Variants in C10orf90 observed in about 807,000 individuals in gnomAD.
C10orf90 encodes the protein chromosome 10 open reading frame 90, also known as (E2-independent) E3 ubiquitin-conjugating enzyme FATS.
C10orf90 carries 56 observed loss-of-function variants against 62.5 expected under a neutral mutation model. That is an observed-to-expected ratio of 0.90 (90% CI 0.72 to 1.12). C10orf90 has a LOEUF of 1.12. Ranked by LOEUF, C10orf90 falls within the 50% of genes most tolerant of loss-of-function variation. The pLI is 0.00. For synonymous variants in C10orf90, 386 were observed against 340.4 expected (o/e 1.13, Z -1.47); for missense variants, 970 against 880.4 (o/e 1.10, Z -1.29).
chr10:126,574,054 C>T (rs2134007111), intron 2 of C10orf90, among the ~76,000 whole-genome samples: 1 of 152,198 alleles, frequency 6.6e-6, no homozygotes, highest in East Asian at 1.9e-4. Flanking sequence ...AATATTTAAA[C>T]ATTAAGAAGT....
intron 2 of C10orf90, among the ~76,000 whole-genome samples, chr10:126,575,319 T>C (rs1006454390): frequency 5.9e-5 from 9 of 151,808 alleles, no homozygotes; most frequent in Admixed American, 2.6e-4. Flanking sequence ...ATCCCACTTA[T>C]AACAGCTACC....
At chr10:126,565,937 C>G (rs1844377227) in intron 2 of C10orf90, among the ~76,000 whole-genome samples, 2 of 152,098 alleles carry the variant, frequency 1.3e-5, no homozygotes, top group South Asian at 4.1e-4. Context: ...AAATAGCGCT[C>G]CTCCACGTCC....
At chr10:126,514,363 G>A (rs4962563) in intron 2 of C10orf90, among the ~76,000 whole-genome samples, 135,256 of 152,226 alleles carry the variant, frequency 0.89, 60,278 homozygotes, top group African/African-American at 0.96. Flanking sequence ...CATCATTGGA[G>A]GGGTCATGGA....
At chr10:126,535,236 A>C (rs1465708362) in intron 2 of C10orf90, among the ~76,000 whole-genome samples, 2 of 151,896 alleles carry the variant, frequency 1.3e-5, no homozygotes, top group East Asian at 3.9e-4. Context: ...AAAATTTGTC[A>C]GCTGGGTGTG....
intron 4 of C10orf90, among the ~76,000 whole-genome samples, chr10:126,493,876 C>T (rs773388940): frequency 3.2e-4 from 48 of 152,326 alleles, no homozygotes; most frequent in Non-Finnish European, 6.0e-4. Flanking sequence ...TAAATTCTCC[C>T]TGATGTCTAG....
intron 2 of C10orf90, among the ~76,000 whole-genome samples, chr10:126,526,446 G>T (rs567517323): frequency 7.6e-4 from 116 of 151,934 alleles, no homozygotes; most frequent in South Asian, 4.0e-3. Flanking sequence ...GGGTTTCACC[G>T]TGTTAGCCAG....
At position 126,532,842 on chromosome 10, in the gene C10orf90, C is replaced by CAAAAAAAAAAAAAAAAAAAA. The variant is rs1269013268; in HGVS notation, c.314-18904_314-18903insTTTTTTTTTTTTTTTTTTTT. Among the ~76,000 whole-genome samples, 39 of 12,092 alleles carry CAAAAAAAAAAAAAAAAAAAA rather than the reference C, an allele frequency of 3.2e-3. 13 individuals are homozygous for CAAAAAAAAAAAAAAAAAAAA. The highest frequency in any genetic ancestry group is 0.011 in the African/African-American group (30 of 2,706). 7.9% of individuals were successfully genotyped at this position (12,092 alleles called of 152,430 possible). A position where few individuals can be genotyped will look rare whatever the true frequency, so the allele number is the denominator to read the frequency against. On this transcript the variant is annotated intron_variant, in intron 2 of 9. Coordinates refer to ENST00000488181, the MANE Select transcript of C10orf90 (RefSeq NM_001350921.2). ...TGGGCAACAGAGCGAGACTACGTCTCAAAAAAAAAAAAAAATAGTGAGCAC... is the reference window on the plus strand; with the variant it reads ...TGGGCAACAGAGCGAGACTACGTCTCAAAAAAAAAAAAAAAAAAAAAAAAAAAAAAAAAAATAGTGAGCAC...
chr10:126,489,575 G>A (rs1376418587), intron 4 of C10orf90, among the ~76,000 whole-genome samples: 1 of 152,108 alleles, frequency 6.6e-6, no homozygotes, highest in East Asian at 1.9e-4. Context: ...AGAGCACGAC[G>A]AGTGTTGGTG....
intron 3 of C10orf90, among the ~76,000 whole-genome samples, chr10:126,509,562 A>T (rs1342299025): frequency 1.3e-5 from 2 of 152,176 alleles, no homozygotes; most frequent in African/African-American, 2.4e-5. Flanking sequence ...TTTAGGTGCA[A>T]TTCTGTTATT....
rs1028287848 is a variant in C10orf90 at position 126,483,218 on chromosome 10, A to T, written c.1535-18232T>A. ...GACTTGCCAAAGGCAAACCAAGAGCATTTCATTCTTCGCAGGTGAGCCTAA... is the reference window on the plus strand; with the variant it reads ...GACTTGCCAAAGGCAAACCAAGAGCTTTTCATTCTTCGCAGGTGAGCCTAA... On this transcript the variant is annotated intron_variant, in intron 4 of 9. Coordinates refer to ENST00000488181, the MANE Select transcript of C10orf90 (RefSeq NM_001350921.2). Among the ~76,000 whole-genome samples, 4 of 152,270 alleles carry T rather than the reference A, an allele frequency of 2.6e-5. No homozygotes were observed. In the South Asian group the frequency reaches 8.3e-4, roughly 32 times the overall value.
At chr10:126,596,704 C>T (rs796272702) in intron 2 of C10orf90, among the ~76,000 whole-genome samples, 7 of 152,228 alleles carry the variant, frequency 4.6e-5, no homozygotes, top group African/African-American at 1.7e-4. Flanking sequence ...TTATTGAATA[C>T]TGTAGTAAAA....
At chr10:126,659,463 A>G (rs1846464601) in intron 1 of C10orf90, among the ~76,000 whole-genome samples, 1 of 152,196 alleles carries the variant, frequency 6.6e-6, no homozygotes, top group Non-Finnish European at 1.5e-5. Flanking sequence ...ATAGCAAGCG[A>G]CGTGTTGTTT....
At chr10:126,495,748 A>AT (rs553200666) in intron 4 of C10orf90, among the ~76,000 whole-genome samples, 10 of 152,080 alleles carry the variant, frequency 6.6e-5, no homozygotes, top group Non-Finnish European at 1.5e-4. Context: ...TATTTCTCAC[A>AT]TTTTTTGCTC....
At chr10:126,612,783 C>A (rs1845465444) in intron 2 of C10orf90, among the ~76,000 whole-genome samples, 1 of 152,144 alleles carries the variant, frequency 6.6e-6, no homozygotes, top group African/African-American at 2.4e-5. Context: ...TCTGAAAACT[C>A]TTCTGTGAAG....
chr10:126,548,469 C>T (rs552713609), intron 2 of C10orf90, among the ~76,000 whole-genome samples: 2 of 152,166 alleles, frequency 1.3e-5, no homozygotes, highest in African/African-American at 2.4e-5. Flanking sequence ...CAGGTTCAAG[C>T]GATTCTCCTG....
At chr10:126,663,441 C>T (rs1234897053) in intron 1 of C10orf90, among the ~76,000 whole-genome samples, 1 of 152,216 alleles carries the variant, frequency 6.6e-6, no homozygotes, top group Non-Finnish European at 1.5e-5. Flanking sequence ...GTGCAGCCTG[C>T]ACCATCTCTC....
intron 2 of C10orf90, among the ~76,000 whole-genome samples, chr10:126,591,849 G>GTCT (rs1844986271): frequency 6.6e-6 from 1 of 152,056 alleles, no homozygotes; most frequent in African/African-American, 2.4e-5. Context: ...CTTTAGCAAA[G>GTCT]TCTCAGGATA....
intron 2 of C10orf90, among the ~76,000 whole-genome samples, chr10:126,645,225 A>G (rs1846143802): frequency 1.3e-5 from 2 of 150,136 alleles, no homozygotes; most frequent in South Asian, 4.2e-4. Flanking sequence ...ACTAACCTGC[A>G]CATTGTGCAC....
chr10:126,514,601 A>C (rs1035140083), intron 2 of C10orf90, among the ~76,000 whole-genome samples: 28 of 152,182 alleles, frequency 1.8e-4, no homozygotes, highest in African/African-American at 6.0e-4. Context: ...ATAACAGTGG[A>C]TATATCTATG....
Sources: allele counts gnomAD v4.1 joint callset (sites outside exome capture counted in the v4.1 genomes callset), GRCh38; gene constraint gnomAD v4.1.1; transcripts MANE v1.5; gene names NCBI Gene and HGNC (gene_info 2026-07-23, HGNC 2026-07-21).